Variants in IQSEC1 observed in about 807,000 individuals in gnomAD.
The protein encoded by IQSEC1 is IQ motif and SEC7 domain-containing protein 1.
In IQSEC1, 31 loss-of-function variants were observed where a neutral mutation model predicts 91.0. That is an observed-to-expected ratio of 0.34 (90% confidence interval 0.26 to 0.46). The LOEUF is 0.46. IQSEC1 is among the 20% of genes least tolerant of loss of function. The probability of loss-of-function intolerance (pLI) is 1.00; values close to 1 mark genes in which losing one functional copy is unlikely to be tolerated. For missense variants in IQSEC1, 1,388 were observed against 1,575.6 expected (o/e 0.88, Z 2.02); for synonymous variants, 699 against 662.6 (o/e 1.05, Z -0.84).
At chr3:12,921,285 G>A (rs376410577) in intron 5 of IQSEC1, among the ~76,000 whole-genome samples, 15 of 152,274 alleles carry the variant, frequency 9.9e-5, no homozygotes, top group East Asian at 3.9e-4. Context: ...CCAGGAAGCC[G>A]TCCTGGAAGG....
chr3:13,263,990 A>C (rs1030543091), intron 1 of IQSEC1, among the ~76,000 whole-genome samples: 3 of 152,118 alleles, frequency 2.0e-5, no homozygotes, highest in African/African-American at 7.2e-5. Context: ...TGGGCTTCCA[A>C]CGTGCACAAG....
chr3:13,135,912 G>A (rs898100134), intron 2 of IQSEC1, among the ~76,000 whole-genome samples: 7 of 152,312 alleles, frequency 4.6e-5, no homozygotes, highest in East Asian at 1.9e-4. Context: ...GCCTAGCATC[G>A]TGGACATGAG....
At chr3:13,049,224 C>T (rs982652606) in intron 1 of IQSEC1, among the ~76,000 whole-genome samples, 4 of 152,180 alleles carry the variant, frequency 2.6e-5, no homozygotes, top group Non-Finnish European at 5.9e-5. Context: ...CGCTCAGCTG[C>T]ACACGAGCCA....
intron 2 of IQSEC1, among the ~76,000 whole-genome samples, chr3:13,113,290 G>T (rs1407751165): frequency 6.6e-6 from 1 of 152,216 alleles, no homozygotes; most frequent in Non-Finnish European, 1.5e-5. Context: ...TGGGGACCAG[G>T]GTGGGTTCAA....
At chr3:12,911,528 G>A (rs1053199670) in intron 10 of IQSEC1, 101 bp downstream of exon 10, 7 of 837,274 alleles carry the variant, frequency 8.4e-6, no homozygotes, top group East Asian at 4.9e-5. Flanking sequence ...AAACAGGGGT[G>A]AGCGTCGAAG....
intron 1 of IQSEC1, among the ~76,000 whole-genome samples, chr3:12,991,400 A>G (rs1048859465): frequency 2.0e-5 from 3 of 152,198 alleles, no homozygotes; most frequent in African/African-American, 7.2e-5. Context: ...GCATGGTGGT[A>G]ATGAATGCTG....
intron 1 of IQSEC1, among the ~76,000 whole-genome samples, chr3:13,208,991 G>A (rs1015421013): frequency 6.6e-6 from 1 of 152,242 alleles, no homozygotes; most frequent in Admixed American, 6.5e-5. Context: ...AGGAAGCAGT[G>A]TGTGAACCAG....
intron 2 of IQSEC1, among the ~76,000 whole-genome samples, chr3:13,104,833 G>T (rs902550009): frequency 7.9e-5 from 12 of 152,188 alleles, no homozygotes; most frequent in Admixed American, 2.0e-4. Flanking sequence ...GGTTGGTCGG[G>T]GGGTGAAACA....
intron 1 of IQSEC1, among the ~76,000 whole-genome samples, chr3:13,204,979 G>A (rs1694317551): frequency 6.6e-6 from 1 of 151,762 alleles, no homozygotes; most frequent in Non-Finnish European, 1.5e-5. Flanking sequence ...CGTATTTTTA[G>A]TAGAAAAGAG....
chr3:13,197,597 T>G (rs552992126), intron 1 of IQSEC1, among the ~76,000 whole-genome samples: 1 of 152,312 alleles, frequency 6.6e-6, no homozygotes, highest in East Asian at 1.9e-4. Flanking sequence ...AGCAGCATCT[T>G]GACAGAGTCC....
At chr3:13,221,760 TC>T (rs2125075748) in intron 1 of IQSEC1, among the ~76,000 whole-genome samples, 1 of 152,370 alleles carries the variant, frequency 6.6e-6, no homozygotes, top group African/African-American at 2.4e-5. Flanking sequence ...GGGAGCTGCC[TC>T]CGGCATTGGC....
At chr3:12,988,977 G>A (rs745771217) in intron 1 of IQSEC1, among the ~76,000 whole-genome samples, 2 of 152,206 alleles carry the variant, frequency 1.3e-5, no homozygotes, top group African/African-American at 4.8e-5. Flanking sequence ...CTTGCCCAAC[G>A]ATGCAAAGCA....
At chr3:13,135,463 G>T (rs959989255) in intron 2 of IQSEC1, among the ~76,000 whole-genome samples, 4 of 152,254 alleles carry the variant, frequency 2.6e-5, no homozygotes, top group Non-Finnish European at 5.9e-5. Context: ...CAAAGGCCTG[G>T]GGTCAGGGGT....
chr3:13,280,639 G>A (rs1048053450), intron 1 of IQSEC1, among the ~76,000 whole-genome samples: 1 of 152,136 alleles, frequency 6.6e-6, no homozygotes, highest in Non-Finnish European at 1.5e-5. Flanking sequence ...CTCACCCTGG[G>A]GTCCGGGCCC....
At chr3:13,086,558 C>T (rs1276817514) in intron 2 of IQSEC1, among the ~76,000 whole-genome samples, 1 of 152,186 alleles carries the variant, frequency 6.6e-6, no homozygotes, top group Non-Finnish European at 1.5e-5. Flanking sequence ...GTGGTAAATG[C>T]AAATCAGACC....
At chr3:13,061,921 C>A (rs1275850196) in intron 1 of IQSEC1, among the ~76,000 whole-genome samples, 1 of 152,212 alleles carries the variant, frequency 6.6e-6, no homozygotes, top group Non-Finnish European at 1.5e-5. Context: ...CAGCACATGG[C>A]TCCTCTTGGG....
chr3:13,104,807 G>A (rs921983301), intron 2 of IQSEC1, among the ~76,000 whole-genome samples: 1 of 152,212 alleles, frequency 6.6e-6, no homozygotes, highest in Non-Finnish European at 1.5e-5. Flanking sequence ...GGGGCTGTAG[G>A]AGCCAGGTCT....
At chr3:13,271,112 T>C (rs1197655520) in intron 1 of IQSEC1, among the ~76,000 whole-genome samples, 1 of 152,112 alleles carries the variant, frequency 6.6e-6, no homozygotes, top group Non-Finnish European at 1.5e-5. Flanking sequence ...GCGTGGTGGC[T>C]CATGCCTGTA....
At chr3:13,073,940 C>T (rs943454264), upstream of IQSEC1, among the ~76,000 whole-genome samples, 10 of 152,242 alleles carry the variant, frequency 6.6e-5, no homozygotes, top group African/African-American at 2.4e-4. Flanking sequence ...CAGAGCAGTC[C>T]TCGTTTGTGC....
Sources: allele counts gnomAD v4.1 joint callset (sites outside exome capture counted in the v4.1 genomes callset), GRCh38; gene constraint gnomAD v4.1.1; transcripts MANE v1.5; gene names NCBI Gene and HGNC (gene_info 2026-07-23, HGNC 2026-07-21).